The following NTMT1 variants were observed in gnomAD, a reference collection of about 807,000 sequenced individuals.
The protein encoded by NTMT1 is N-terminal RCC1 methyltransferase.
NTMT1 carries 8 observed loss-of-function variants against 17.5 expected under a neutral mutation model. That is an observed-to-expected ratio of 0.46 (90% CI 0.27 to 0.82). The LOEUF (loss-of-function observed/expected upper bound fraction) is 0.82. NTMT1 is among the 40% of genes least tolerant of loss of function. The probability of loss-of-function intolerance (pLI) is 0.15; values close to 1 mark genes in which losing one functional copy is unlikely to be tolerated. For synonymous variants in NTMT1, 128 were observed against 126.8 expected (o/e 1.01, Z -0.06); for missense variants, 221 against 303.5 (o/e 0.73, Z 2.02).
intron 1 of NTMT1, chr9:129,615,458 C>T (rs754252778): frequency 7.1e-6 from 11 of 1,539,542 alleles, no homozygotes; most frequent in South Asian, 2.5e-5. Flanking sequence ...TCGGGAGTCT[C>T]GAGGCTCCCC....
In NTMT1 at chr9:129,635,338, C is replaced by T. The variant is rs145300752; in HGVS notation, c.546C>T (p.Ser182=). ...EGVILDDVDS[S]VCRDLDVVRR... ...TGATTCTGGACGACGTGGACAGCAG[C>T]GTGTGCCGGGACCTTGACGTGGTCC... The change falls in exon 4 of 4, where the codon AGC becomes AGT. Residue 182 remains serine (S), a synonymous_variant. Transcript: ENST00000372483. 11 of 1,613,712 alleles carry T rather than the reference C, an allele frequency of 6.8e-6. No individual in the cohort carries two copies. Among genetic ancestry groups the T allele is most frequent in the African/African-American group, 2.7e-5 (2 of 74,932 alleles).
Position 129,635,660 on chromosome 9 carries a change from A to G in NTMT1, c.*196A>G. On this transcript the variant is annotated 3_prime_UTR_variant, in exon 4 of 4. Transcript: ENST00000372483. ...CCGGCGGGGAGGGTGCTGCTGAACC[A>G]GCGGTGAGGCAGGAGCCCAGACCCT... 6.0e-6 allele frequency: 4 copies of G among 669,778 alleles called. No homozygotes were observed. Among genetic ancestry groups the G allele is most frequent in the Non-Finnish European group, 1.0e-5 (4 of 396,260 alleles). 41.5% of individuals were successfully genotyped at this position (669,778 alleles called of 1,614,324 possible).
chr9:129,623,536 A>C (rs1439138680), upstream of NTMT1, among the ~76,000 whole-genome samples: 1 of 152,102 alleles, frequency 6.6e-6, no homozygotes, highest in Non-Finnish European at 1.5e-5. Context: ...TGGGAGACAG[A>C]GGTCATTTAC....
chr9:129,620,557 A>G lies in NTMT1; in HGVS notation c.-55+11379A>G. 7.2e-7 allele frequency: 1 copy of G among 1,388,344 alleles called. No individual in the cohort carries two copies. Among genetic ancestry groups the G allele is most frequent in the Admixed American group, 2.7e-5 (1 of 36,384 alleles). 86.0% of individuals were successfully genotyped at this position (1,388,344 alleles called of 1,614,324 possible). A position where few individuals can be genotyped will look rare whatever the true frequency, so the allele number is the denominator to read the frequency against. ...GCGCCAGGTCCTGGGCCCCTGGGCG[A>G]AGTCGACGCCAGAACATGCTTGGCC... On this transcript the variant is annotated intron_variant, in intron 1 of 3. Transcript: ENST00000372486. The surrounding 1 kb of genome is among the most constrained non-coding windows in gnomAD (Gnocchi z 5.8).
rs139655372 is a variant in NTMT1, at chr9:129,618,284, T to G, written c.-55+9106T>G. ...CTATGGTGTCTAGGCCCAGGTAGGT[T>G]CCAATTCCTAGGCTCTTCTCTTACC... On this transcript the variant is annotated intron_variant, in intron 1 of 3. Coordinates refer to the NTMT1 transcript ENST00000372486. 5.6e-3 allele frequency among the ~76,000 whole-genome samples: 856 copies of G among 152,344 alleles called. 6 individuals carry two copies. Among genetic ancestry groups the G allele is most frequent in the Non-Finnish European group, 8.1e-3 (552 of 68,038 alleles).
In NTMT1 at chr9:129,613,841, G is replaced by A. The variant is rs539885971; in HGVS notation, c.-55+4663G>A. Among the ~76,000 whole-genome samples the A allele has an allele frequency of 2.0e-5, 3 of 152,332 alleles. No individual in the cohort carries two copies. The highest frequency in any genetic ancestry group is 1.9e-4 in the East Asian group (1 of 5,184). ...CCCCACTCACGCTGCAGCCGGAAGC[G>A]TGCCCCCTTTCTCGCAGTGGGGAGA... is the stretch of plus-strand genomic sequence containing the variant. On this transcript the variant is annotated intron_variant, in intron 1 of 3. Transcript: ENST00000372486. The surrounding 1 kb of genome is among the most constrained non-coding windows in gnomAD (Gnocchi z 6.2).
At chr9:129,629,544 G>A (rs1379615005) in intron 1 of NTMT1, among the ~76,000 whole-genome samples, 1 of 152,140 alleles carries the variant, frequency 6.6e-6, no homozygotes, top group Non-Finnish European at 1.5e-5. Flanking sequence ...GTGTATTTTT[G>A]ACAGAGATGG....
chr9:129,616,168 A>T (rs1830367377), intron 1 of NTMT1, among the ~76,000 whole-genome samples: 1 of 152,206 alleles, frequency 6.6e-6, no homozygotes, highest in Non-Finnish European at 1.5e-5. Flanking sequence ...CATCCAGCCC[A>T]GGGTCTGCAG....
At position 129,632,764 on chromosome 9, in the gene NTMT1, A is replaced by T; in HGVS notation, c.61A>T (p.Lys21Ter). ...CTATTCCAAGGCCAAGACCTACTGGAAACAAATCCCACCCACGGTGGACGG... is the reference window on the plus strand; with the variant it reads ...CTATTCCAAGGCCAAGACCTACTGGTAACAAATCCCACCCACGGTGGACGG... ...QFYSKAKTYW[K>*]QIPPTVDGML... Residue 21 changes from lysine (K) to a stop codon, truncating the protein, a stop_gained, in exon 2 of 4, where the codon AAA (lysine) becomes TAA (stop). Transcript: ENST00000372483. LOFTEE classifies it high-confidence loss of function. 1 of 1,614,224 alleles carries T rather than the reference A, an allele frequency of 6.2e-7. No individual in the cohort carries two copies. Among genetic ancestry groups the T allele is most frequent in the Middle Eastern group, 1.6e-4 (1 of 6,062 alleles).
At chr9:129,612,115 C>T (rs1830126439) in intron 1 of NTMT1, 1 of 500,424 alleles carries the variant, frequency 2.0e-6, no homozygotes, top group Non-Finnish European at 3.7e-6. Flanking sequence ...ACTACAAGTC[C>T]TGAACCCCAG....
chr9:129,615,712 C>T, intron 1 of NTMT1: 2 of 1,450,908 alleles, frequency 1.4e-6, no homozygotes, highest in Non-Finnish European at 1.8e-6. Context: ...CACGCACCAG[C>T]CCCAGACTCG....
Position 129,613,301 on chromosome 9 carries a change from C to G in NTMT1, c.-55+4123C>G, listed in dbSNP as rs774967217. On this transcript the variant is annotated intron_variant, in intron 1 of 3. Transcript: ENST00000372486. This position sits in a 1 kb window ranked among gnomAD's most constrained non-coding sequence, Gnocchi z 6.2. Reference sequence around the variant, plus strand: ...CTTCCTGGACTCTGAGTCCCCGGCCCACCCATGGCTGGCAGGGCCCTTGAG... The same window carrying G: ...CTTCCTGGACTCTGAGTCCCCGGCCGACCCATGGCTGGCAGGGCCCTTGAG... 1 of 1,568,680 alleles carries G rather than the reference C, an allele frequency of 6.4e-7. No homozygotes were observed. The highest frequency in any genetic ancestry group is 8.6e-7 in the Non-Finnish European group (1 of 1,156,116).
chr9:129,615,524 C>T, intron 1 of NTMT1: 1 of 1,610,670 alleles, frequency 6.2e-7, no homozygotes, highest in Non-Finnish European at 8.5e-7. Flanking sequence ...TTGTGTCCTG[C>T]AGGGTCTCGT....
rs768057809 is a variant in NTMT1, at chr9:129,620,501, C to T, written c.-55+11323C>T. 8.4e-6 allele frequency: 12 copies of T among 1,425,986 alleles called. No individual in the cohort carries two copies. Among genetic ancestry groups the T allele is most frequent in the Non-Finnish European group, 1.1e-5 (12 of 1,087,284 alleles). The allele number at this position is 1,425,986 out of a possible 1,614,324, so 88.3% of individuals were successfully genotyped here. A position where few individuals can be genotyped will look rare whatever the true frequency, so the allele number is the denominator to read the frequency against. ...GGGCAGCCGCGGGTCGCTGCTGCGT[C>T]GGAAGTCTCCGTCGCCAGGGAGCCC... On this transcript the variant is annotated intron_variant, in intron 1 of 3. Transcript: ENST00000372486. This position sits in a 1 kb window ranked among gnomAD's most constrained non-coding sequence, Gnocchi z 5.8.
At chr9:129,619,174 G>GAT (rs1341863424) in intron 1 of NTMT1, among the ~76,000 whole-genome samples, 2 of 152,198 alleles carry the variant, frequency 1.3e-5, no homozygotes, top group Non-Finnish European at 2.9e-5. Context: ...AGGATGGATG[G>GAT]ATAGATGGAG....
chr9:129,617,993 AT>A (rs578052887), intron 1 of NTMT1, among the ~76,000 whole-genome samples: 134 of 152,294 alleles, frequency 8.8e-4, no homozygotes, highest in Non-Finnish European at 1.4e-3. Context: ...CATGTGTTCC[AT>A]TTCTAGTTCC....
intron 1 of NTMT1, chr9:129,612,263 G>T: frequency 8.4e-7 from 1 of 1,185,820 alleles, no homozygotes; most frequent in Admixed American, 2.0e-5. Flanking sequence ...CAGCCACCTG[G>T]GATGTGCCTT....
rs751387007 is a variant in NTMT1 at position 129,619,539 on chromosome 9, T to C, written c.-55+10361T>C. 3 of 1,613,824 alleles carry C rather than the reference T, an allele frequency of 1.9e-6. No individual in the cohort carries two copies. The South Asian group carries it at 3.3e-5, about 18-fold the overall frequency. ...ACTCACTGGTTGGCCTTTCTGACAGTGGTGAATTGTGAGTGATCACCCTTC... is the reference window on the plus strand; with the variant it reads ...ACTCACTGGTTGGCCTTTCTGACAGCGGTGAATTGTGAGTGATCACCCTTC... On this transcript the variant is annotated intron_variant, in intron 1 of 3. Coordinates refer to the NTMT1 transcript ENST00000372486.
At chr9:129,632,946 C>G in intron 2 of NTMT1, 81 bp downstream of exon 2, 2 of 1,463,458 alleles carry the variant, frequency 1.4e-6, no homozygotes, top group Non-Finnish European at 1.9e-6. Context: ...CCACCTTTTA[C>G]ACATGTAACA....
Sources: allele counts gnomAD v4.1 joint callset (sites outside exome capture counted in the v4.1 genomes callset), GRCh38; gene constraint gnomAD v4.1.1; non-coding constraint Gnocchi (gnomAD v3.1); transcripts MANE v1.5; gene names NCBI Gene and HGNC (gene_info 2026-07-23, HGNC 2026-07-21).